Variants in KIAA0319L observed in about 807,000 individuals in gnomAD.
The protein encoded by KIAA0319L is dyslexia-associated protein KIAA0319-like protein.
KIAA0319L carries 55 observed loss-of-function variants against 120.1 expected under a neutral mutation model. The ratio of observed to expected loss-of-function variants is 0.46; its 90% CI spans 0.37 to 0.57. The LOEUF (loss-of-function observed/expected upper bound fraction) is 0.57. KIAA0319L is among the 20% of genes least tolerant of loss of function. The pLI, the probability that KIAA0319L is intolerant of heterozygous loss-of-function variation, is 0.00. For missense variants in KIAA0319L, 1,049 were observed against 1,255.3 expected (o/e 0.84, Z 2.48); for synonymous variants, 398 against 471.9 (o/e 0.84, Z 2.03).
In KIAA0319L at chr1:35,442,934, C is replaced by T. The variant is rs766878879; in HGVS notation, c.2751G>A (p.Val917=). ...AGTTGCTGTCTCCATCCCTCAGCTG[C>T]ACCTTGATGAAATTCTCCATCCAAA... is the stretch of plus-strand genomic sequence containing the variant. ...DPFWMENFIK[V]QLRDGDSNCE... Residue 917 remains valine, a synonymous_variant, in exon 18 of 21, where the codon GTG becomes GTA. Transcript: ENST00000325722. 1 of 1,614,232 alleles carries T rather than the reference C, an allele frequency of 6.2e-7. No individual in the cohort carries two copies. The highest frequency in any genetic ancestry group is 2.2e-5 in the East Asian group (1 of 44,894).
At chr1:35,478,057 A>G (rs989804006) in intron 4 of KIAA0319L, among the ~76,000 whole-genome samples, 17 of 152,222 alleles carry the variant, frequency 1.1e-4, no homozygotes, top group African/African-American at 4.1e-4. Context: ...ACAATGGAGT[A>G]CTACTCAGCC....
At chr1:35,448,068 A>C in intron 16 of KIAA0319L, 105 bp downstream of exon 16, 1 of 1,141,306 alleles carries the variant, frequency 8.8e-7, no homozygotes, top group Non-Finnish European at 1.2e-6. Flanking sequence ...GTTTCTGGTC[A>C]GAAAGCCCAC....
At chr1:35,489,071 AGAGTT>A (rs1042180428) in intron 3 of KIAA0319L, among the ~76,000 whole-genome samples, 5 of 152,218 alleles carry the variant, frequency 3.3e-5, no homozygotes, top group African/African-American at 1.2e-4. Context: ...ACTTAATGAT[AGAGTT>A]GAGTATTATG....
chr1:35,465,518 G>A (rs569530832), intron 7 of KIAA0319L, among the ~76,000 whole-genome samples: 1 of 152,308 alleles, frequency 6.6e-6, no homozygotes, highest in East Asian at 1.9e-4. Flanking sequence ...TATTTCACAG[G>A]CTCATAGGCA....
intron 15 of KIAA0319L, 53 bp from the exon 16 acceptor site, chr1:35,448,385 A>AG: frequency 6.7e-7 from 1 of 1,494,896 alleles, no homozygotes; most frequent in Non-Finnish European, 9.1e-7. Flanking sequence ...GTAAACACAG[A>AG]CCTGCCACTG....
rs1368769327 is a variant in KIAA0319L at position 35,448,329 on chromosome 1, G to A, written c.2357C>T (p.Pro786Leu). ...DRTTVEVKPD[P>L]RKNNLVEIIL... The stretch of plus-strand genomic sequence containing the variant: ...GATCTCCACCAGGTTGTTTTTCCTG[G>A]GATCTGGAAAGCATGTGGATCAGTC... The change falls in exon 16 of 21, where the codon CCC (proline) becomes CTC (leucine). Residue 786 changes from proline (P) to leucine (L), a missense_variant. Pro to Leu is a moderately conservative substitution (Grantham distance 98). Coordinates refer to ENST00000325722, the MANE Select transcript of KIAA0319L (RefSeq NM_024874.5). 1 of 1,613,266 alleles carries A rather than the reference G, an allele frequency of 6.2e-7. No homozygotes were observed. Among genetic ancestry groups the A allele is most frequent in the Non-Finnish European group, 8.5e-7 (1 of 1,179,590 alleles).
intron 3 of KIAA0319L, among the ~76,000 whole-genome samples, chr1:35,505,131 T>C (rs947217778): frequency 6.6e-6 from 1 of 152,154 alleles, no homozygotes; most frequent in South Asian, 2.1e-4. Context: ...ACCCTCTCAT[T>C]ACCCACATCA....
At position 35,453,926 on chromosome 1, in the gene KIAA0319L, A is replaced by T. The variant is rs193282683; in HGVS notation, c.1781-237T>A. 5.3e-5 allele frequency among the ~76,000 whole-genome samples: 8 copies of T among 152,288 alleles called. No homozygotes were observed. In the East Asian group the frequency reaches 1.5e-3, roughly 29 times the overall value. On this transcript the variant is annotated intron_variant, in intron 11 of 20. Transcript: ENST00000325722. The surrounding 1 kb of genome is among the most constrained non-coding windows in gnomAD (Gnocchi z 4.1). ...TAATGAAGTTATAATGCCATACTAAACTTGAACTCTAATGCTAAGGGAGTT... is the reference window on the plus strand; with the variant it reads ...TAATGAAGTTATAATGCCATACTAATCTTGAACTCTAATGCTAAGGGAGTT...
intron 5 of KIAA0319L, among the ~76,000 whole-genome samples, chr1:35,472,094 T>G (rs554034018): frequency 6.6e-6 from 1 of 152,334 alleles, no homozygotes; most frequent in South Asian, 2.1e-4. Context: ...TAGAAAACAG[T>G]TTGGGAACAG....
intron 6 of KIAA0319L, among the ~76,000 whole-genome samples, chr1:35,467,475 T>C (rs540153306): frequency 6.6e-6 from 1 of 152,310 alleles, no homozygotes; most frequent in East Asian, 1.9e-4. Flanking sequence ...GTACAGCTCA[T>C]TCGTTTAACA....
At chr1:35,535,096 T>TAAAAA (rs56965473) in intron 2 of KIAA0319L, among the ~76,000 whole-genome samples, 6 of 56,330 alleles carry the variant, frequency 1.1e-4, no homozygotes, top group African/African-American at 1.3e-4. Context: ...GACTCCGTCT[T>TAAAAA]AAAAAAAAAA....
At chr1:35,456,359 C>T in intron 9 of KIAA0319L, 118 bp from the exon 10 acceptor site, 1 of 641,220 alleles carries the variant, frequency 1.6e-6, no homozygotes, top group Non-Finnish European at 2.6e-6. Flanking sequence ...CCTATTCTTA[C>T]CCACTTCTAT....
At chr1:35,518,086 G>A (rs555207361) in intron 2 of KIAA0319L, among the ~76,000 whole-genome samples, 2 of 152,330 alleles carry the variant, frequency 1.3e-5, no homozygotes, top group South Asian at 2.1e-4. Context: ...TGGCAAGATT[G>A]CGGAGAAAAG....
intron 3 of KIAA0319L, among the ~76,000 whole-genome samples, chr1:35,500,625 C>T (rs1028132747): frequency 2.6e-4 from 39 of 152,368 alleles, no homozygotes; most frequent in Admixed American, 4.6e-4. Context: ...TTTCTCTCCA[C>T]TTTGGATGCA....
At position 35,437,051 on chromosome 1, in the gene KIAA0319L, G is replaced by A. The variant is rs574885004; in HGVS notation, c.2963-1970C>T. ...GCTCAGACCCACACCGAACCTGAGC[G>A]GGCTCTCCCAGCTCCCTTCGGTAGA... On this transcript the variant is annotated intron_variant, in intron 20 of 20. Coordinates refer to ENST00000325722, the MANE Select transcript of KIAA0319L (RefSeq NM_024874.5). The surrounding 1 kb of genome is among the most constrained non-coding windows in gnomAD (Gnocchi z 4.1). 5.7e-4 allele frequency among the ~76,000 whole-genome samples: 87 copies of A among 152,200 alleles called. 3 individuals are homozygous for A. Among genetic ancestry groups the A allele is most frequent in the Non-Finnish European group, 2.1e-4 (14 of 67,990 alleles).
At chr1:35,495,862 A>C (rs1249733683) in intron 3 of KIAA0319L, among the ~76,000 whole-genome samples, 4 of 135,342 alleles carry the variant, frequency 3.0e-5, no homozygotes, top group Non-Finnish European at 6.1e-5. Flanking sequence ...TTAACACTCT[A>C]CAAAAAAAAA....
At chr1:35,455,081 T>C (rs1642345127) in intron 10 of KIAA0319L, among the ~76,000 whole-genome samples, 1 of 152,224 alleles carries the variant, frequency 6.6e-6, no homozygotes. Flanking sequence ...ATAAATAATT[T>C]TGGGCAAACT....
At chr1:35,515,681 T>C (rs1439995515) in intron 2 of KIAA0319L, among the ~76,000 whole-genome samples, 4 of 151,820 alleles carry the variant, frequency 2.6e-5, no homozygotes, top group East Asian at 3.9e-4. Context: ...CCAAAGCTAG[T>C]AGAAGACAAG....
intron 20 of KIAA0319L, chr1:35,440,220 C>G (rs1641100292): frequency 6.6e-6 from 1 of 152,214 alleles, no homozygotes; most frequent in South Asian, 2.1e-4. Context: ...AGCCTGTTCT[C>G]TTCTGCTACT....
Sources: allele counts gnomAD v4.1 joint callset (sites outside exome capture counted in the v4.1 genomes callset), GRCh38; gene constraint gnomAD v4.1.1; non-coding constraint Gnocchi (gnomAD v3.1); transcripts MANE v1.5; gene names NCBI Gene and HGNC (gene_info 2026-07-23, HGNC 2026-07-21).